TPRG1: variants seen among roughly 807,000 people sequenced by gnomAD.
The protein encoded by TPRG1 is tumor protein p63-regulated gene 1 protein.
In TPRG1, 29 loss-of-function variants were observed where a neutral mutation model predicts 29.3. The observed-to-expected ratio is 0.99, with a 90% CI of 0.74 to 1.35. The LOEUF is 1.35. Among genes scored for constraint, TPRG1 ranks in the 40% most tolerant of loss-of-function variants. The pLI, the probability that TPRG1 is intolerant of heterozygous loss-of-function variation, is 0.00. For synonymous variants in TPRG1, 130 were observed against 116.8 expected, an observed-to-expected ratio of 1.11 and a Z score of -0.73; for missense variants, 327 against 335.0, an observed-to-expected ratio of 0.98 and a Z score of 0.19.
chr3:189,091,895 T>C (rs1411193825), intron 4 of TPRG1, among the ~76,000 whole-genome samples: 1 of 152,202 alleles, frequency 6.6e-6, no homozygotes, highest in African/African-American at 2.4e-5. Flanking sequence ...CATGTATTTT[T>C]TCCTAGAGGG....
chr3:189,131,603 G>A (rs1003303816), intron 2 of TPRG1, among the ~76,000 whole-genome samples: 1 of 152,086 alleles, frequency 6.6e-6, no homozygotes, highest in African/African-American at 2.4e-5. Flanking sequence ...GTCAATAAAC[G>A]AATCCCCCAT....
chr3:189,115,876 TA>T (rs955910953), intron 1 of TPRG1, among the ~76,000 whole-genome samples: 5 of 151,866 alleles, frequency 3.3e-5, no homozygotes, highest in African/African-American at 4.8e-5. Context: ...TACTAATAAT[TA>T]AAAAAAATTC....
chr3:189,102,137 G>A (rs1470888505), intron 1 of TPRG1, among the ~76,000 whole-genome samples: 1 of 152,080 alleles, frequency 6.6e-6, no homozygotes, highest in Non-Finnish European at 1.5e-5. Flanking sequence ...TCCTGCTCAT[G>A]TGCTCCTATA....
intron 5 of TPRG1, among the ~76,000 whole-genome samples, chr3:189,312,181 CTTTTTT>C (rs1560689655): frequency 1.6e-4 from 8 of 51,418 alleles, no homozygotes; most frequent in African/African-American, 3.7e-4. Flanking sequence ...TTCTTTCTTT[CTTTTTT>C]TCTTTCTTTC....
At chr3:189,187,483 T>A (rs902091904) in intron 1 of TPRG1, among the ~76,000 whole-genome samples, 5 of 152,028 alleles carry the variant, frequency 3.3e-5, no homozygotes, top group South Asian at 2.1e-4. Flanking sequence ...TTTTTATTTT[T>A]TTTTTTTGTA....
chr3:189,037,870 G>T (rs1714375701), intron 4 of TPRG1, among the ~76,000 whole-genome samples: 1 of 150,674 alleles, frequency 6.6e-6, no homozygotes, highest in Admixed American at 6.7e-5. Context: ...AACCTATTAA[G>T]AAGTCTAAAG....
At chr3:189,131,530 G>C (rs1305909355) in intron 2 of TPRG1, among the ~76,000 whole-genome samples, 1 of 152,028 alleles carries the variant, frequency 6.6e-6, no homozygotes, top group Non-Finnish European at 1.5e-5. Flanking sequence ...AATGCAGTAG[G>C]ACTTTATATT....
At position 189,258,687 on chromosome 3, in the gene TPRG1, C is replaced by T. The variant is rs139333964; in HGVS notation, c.479+19778C>T. On this transcript the variant is annotated intron_variant, in intron 4 of 5. Transcript: ENST00000345063. ...CTGATTGGGGCTGCTGCCTTTCTTT[C>T]GGAGATGCCCTGCCCAGAGAGGAGG... 3.3e-5 allele frequency among the ~76,000 whole-genome samples: 5 copies of T among 152,290 alleles called. No individual in the cohort carries two copies. In the East Asian group the frequency reaches 5.8e-4, roughly 18 times the overall value.
chr3:189,297,446 G>A (rs890665872), intron 4 of TPRG1, among the ~76,000 whole-genome samples: 1 of 152,022 alleles, frequency 6.6e-6, no homozygotes, highest in African/African-American at 2.4e-5. Flanking sequence ...GAGCCCTCAG[G>A]GCCAAGGATA....
chr3:189,139,233 CAGTA>C (rs1264338518), intron 3 of TPRG1, among the ~76,000 whole-genome samples: 4 of 152,198 alleles, frequency 2.6e-5, no homozygotes, highest in Non-Finnish European at 4.4e-5. Flanking sequence ...AAGGGTTGCA[CAGTA>C]AGTAAGAGAT....
At chr3:189,310,999 GAC>G (rs771192121) in intron 5 of TPRG1, among the ~76,000 whole-genome samples, 2 of 152,088 alleles carry the variant, frequency 1.3e-5, no homozygotes, top group Non-Finnish European at 2.9e-5. Context: ...AACCTCACTG[GAC>G]CATTATAAGG....
chr3:189,233,978 C>T (rs1040286995), intron 3 of TPRG1, among the ~76,000 whole-genome samples: 22 of 152,270 alleles, frequency 1.4e-4, no homozygotes, highest in African/African-American at 5.3e-4. Context: ...TGAAGTGGCC[C>T]TCTCACCTTG....
chr3:189,101,125 G>C (rs940972602), intron 1 of TPRG1, among the ~76,000 whole-genome samples: 5 of 151,868 alleles, frequency 3.3e-5, no homozygotes, highest in African/African-American at 9.7e-5. Flanking sequence ...ATTTCTCTTC[G>C]CTTTCCCTCC....
chr3:189,039,170 G>A (rs1247093016), intron 4 of TPRG1, among the ~76,000 whole-genome samples: 1 of 152,234 alleles, frequency 6.6e-6, no homozygotes, highest in Admixed American at 6.5e-5. Flanking sequence ...TAGCATTACA[G>A]TTTGGGTAGG....
intron 3 of TPRG1, among the ~76,000 whole-genome samples, chr3:189,218,514 C>A (rs1004266940): frequency 5.3e-5 from 8 of 152,204 alleles, no homozygotes; most frequent in African/African-American, 9.6e-5. Flanking sequence ...GCTTGTCTAG[C>A]AACAGGGCTG....
intron 3 of TPRG1, among the ~76,000 whole-genome samples, chr3:189,006,047 TCTCAAAATAACC>T (rs1188031056): frequency 9.9e-5 from 15 of 152,044 alleles, no homozygotes; most frequent in Non-Finnish European, 1.8e-4. Context: ...AATTCCTAAC[TCTCAAAATAACC>T]CTTCAAAGTA....
At chr3:189,009,603 C>T (rs1046322160) in intron 3 of TPRG1, among the ~76,000 whole-genome samples, 4 of 151,986 alleles carry the variant, frequency 2.6e-5, no homozygotes, top group African/African-American at 9.7e-5. Context: ...TTTTAAAAAG[C>T]AAGAAAACTA....
At chr3:189,305,824 C>T (rs576974222) in intron 4 of TPRG1, among the ~76,000 whole-genome samples, 1 of 152,346 alleles carries the variant, frequency 6.6e-6, no homozygotes, top group East Asian at 1.9e-4. Context: ...AACCTTCTTC[C>T]ACCAAGTCCT....
intron 4 of TPRG1, among the ~76,000 whole-genome samples, chr3:189,085,172 C>A (rs1210438262): frequency 6.6e-6 from 1 of 152,102 alleles, no homozygotes; most frequent in East Asian, 1.9e-4. Context: ...AAAGCAAGTA[C>A]CGGGCTCTGT....
Sources: gnomAD v4.1 joint callset for allele counts (sites outside exome capture counted in the v4.1 genomes callset) on GRCh38, gnomAD v4.1.1 for gene constraint, MANE v1.5 for transcripts, NCBI Gene and HGNC (gene_info 2026-07-23, HGNC 2026-07-21) for gene names.